The following MPP7 variants were observed in gnomAD, a reference collection of about 807,000 sequenced individuals.
MPP7 encodes MAGUK p55 subfamily member 7.
MPP7 carries 60 observed loss-of-function variants against 76.5 expected under a neutral mutation model. The observed-to-expected ratio is 0.78, with a 90% CI of 0.64 to 0.97. The LOEUF (loss-of-function observed/expected upper bound fraction) is 0.97, where lower values mean the gene tolerates loss of function less well. MPP7 is among the 50% of genes least tolerant of loss of function. The pLI, the probability that MPP7 is intolerant of heterozygous loss-of-function variation, is 0.00. For synonymous variants in MPP7, 237 were observed against 244.5 expected (o/e 0.97, Z 0.29); for missense variants, 641 against 694.0 (o/e 0.92, Z 0.86).
Position 28,321,154 on chromosome 10 carries a change from T to C in MPP7, c.-132+8775A>G, listed in dbSNP as rs184122597. ...CAGAAAGAAAAGCTGACATCTCAAA[T>C]ATATATGTAGTTTCCTCTCCTGCAA... On this transcript the variant is annotated intron_variant, in intron 2 of 11. Transcript: ENST00000441595. Among the ~76,000 whole-genome samples the C allele has an allele frequency of 3.0e-3, 460 of 152,284 alleles. 5 individuals carry two copies. The highest frequency in any genetic ancestry group is 0.011 in the African/African-American group (449 of 41,564).
At chr10:28,260,797 T>C (rs11006964) in intron 1 of MPP7, among the ~76,000 whole-genome samples, 11,618 of 149,334 alleles carry the variant, frequency 0.078, 942 homozygotes, top group East Asian at 0.4. Flanking sequence ...AAAAAAAATT[T>C]TTTTTAAATA....
At chr10:28,054,927 C>A (rs867403877) in intron 16 of MPP7, among the ~76,000 whole-genome samples, 2 of 152,172 alleles carry the variant, frequency 1.3e-5, no homozygotes, top group Non-Finnish European at 2.9e-5. Flanking sequence ...TCCCCACCTG[C>A]CTCGGCCTCC....
intron 3 of MPP7, among the ~76,000 whole-genome samples, chr10:28,182,663 A>G (rs1271327012): frequency 6.6e-6 from 1 of 152,234 alleles, no homozygotes; most frequent in Non-Finnish European, 1.5e-5. Flanking sequence ...ATTCATCAAC[A>G]TGAGAATAGA....
intron 11 of MPP7, among the ~76,000 whole-genome samples, chr10:28,100,781 G>T (rs567642003): frequency 3.2e-4 from 49 of 152,050 alleles, no homozygotes; most frequent in Non-Finnish European, 5.6e-4. Flanking sequence ...GTTAATAAAA[G>T]ATATCAATTT....
chr10:28,263,446 C>T (rs962662269), intron 1 of MPP7, among the ~76,000 whole-genome samples: 2 of 152,150 alleles, frequency 1.3e-5, no homozygotes, highest in African/African-American at 4.8e-5. Flanking sequence ...AAAGTGTCCC[C>T]CGACCTTGAT....
chr10:28,089,830 T>G lies in MPP7; in HGVS notation c.964A>C (p.Lys322Gln). 6.8e-7 allele frequency: 1 copy of G among 1,475,906 alleles called. No individual in the cohort carries two copies. Among genetic ancestry groups the G allele is most frequent in the Non-Finnish European group, 9.4e-7 (1 of 1,068,612 alleles). 91.4% of individuals were successfully genotyped at this position (1,475,906 alleles called of 1,614,324 possible). Reference protein sequence around the residue: ...VSNRKSSGFRKSFRLSRKDKK... With the variant: ...VSNRKSSGFRQSFRLSRKDKK... ...TCTTTTCTACTAAGACGAAAACTTTTTCTAAAACCAGCTGCAAATATTAAA... is the reference window on the plus strand; with the variant it reads ...TCTTTTCTACTAAGACGAAAACTTTGTCTAAAACCAGCTGCAAATATTAAA... Residue 322 changes from lysine (K) to glutamine (Q), a missense_variant, in exon 12 of 17, where the codon AAA becomes CAA. By Grantham distance (53) the Lys-to-Gln change is moderately conservative. Coordinates refer to ENST00000683449, the MANE Select transcript of MPP7 (RefSeq NM_001318170.2).
intron 2 of MPP7, among the ~76,000 whole-genome samples, chr10:28,216,814 C>A (rs1336797602): frequency 6.6e-6 from 1 of 152,058 alleles, no homozygotes; most frequent in Non-Finnish European, 1.5e-5. Flanking sequence ...CAGCACAAAA[C>A]AGTTCATTAG....
intron 1 of MPP7, among the ~76,000 whole-genome samples, chr10:28,245,075 T>C (rs981545987): frequency 7.2e-5 from 11 of 152,194 alleles, no homozygotes; most frequent in Non-Finnish European, 2.9e-5. Flanking sequence ...ATTTATATTC[T>C]ACCACTTACT....
chr10:28,314,114 TA>T (rs1841306128), intron 2 of MPP7, among the ~76,000 whole-genome samples: 1 of 152,192 alleles, frequency 6.6e-6, no homozygotes, highest in African/African-American at 2.4e-5. Context: ...TCTTAGGTTC[TA>T]TCAATATTAT....
chr10:28,105,856 C>T (rs1029113179), intron 11 of MPP7, among the ~76,000 whole-genome samples: 1 of 152,146 alleles, frequency 6.6e-6, no homozygotes, highest in African/African-American at 2.4e-5. Flanking sequence ...CTATTTTGCA[C>T]AAACCTTTTG....
Position 28,309,373 on chromosome 10 carries a change from C to T in MPP7, c.-132+20556G>A, listed in dbSNP as rs913202303. ...AGGTTGCAGTGAGCCAAGATCCCACCACTCTACTCCAGCCTGGGCAACAGA... is the reference window on the plus strand; with the variant it reads ...AGGTTGCAGTGAGCCAAGATCCCACTACTCTACTCCAGCCTGGGCAACAGA... On this transcript the variant is annotated intron_variant, in intron 2 of 11. Coordinates refer to the MPP7 transcript ENST00000441595. 7.3e-5 allele frequency among the ~76,000 whole-genome samples: 11 copies of T among 150,642 alleles called. 1 individual carries two copies. The Middle Eastern group carries it at 0.01, about 140-fold the overall frequency.
upstream of MPP7, chr10:28,303,567 A>C (rs1400818829): frequency 6.6e-6 from 1 of 152,246 alleles, no homozygotes; most frequent in Non-Finnish European, 1.5e-5. Context: ...TGCACGAAAA[A>C]AGACATAAGG....
chr10:28,249,854 C>T (rs61845911), intron 1 of MPP7, among the ~76,000 whole-genome samples: 30,494 of 152,092 alleles, frequency 0.2, 3,554 homozygotes, highest in East Asian at 0.54. Context: ...TCTCTTCTCG[C>T]ATGGAGAAGT....
chr10:28,051,743 AAC>A lies in MPP7; in HGVS notation c.*2320_*2321del, dbSNP rs1383590090. ...TTCTAAGCATCAAGATGGCCATGTA[AAC>A]ACTGTTTTTAAGACCACGTCTACCG... On this transcript the variant is annotated 3_prime_UTR_variant, in exon 17 of 17. Coordinates refer to ENST00000683449, the MANE Select transcript of MPP7 (RefSeq NM_001318170.2). The A allele has an allele frequency of 6.6e-6, 1 of 151,992 alleles. No homozygotes were observed. The highest frequency in any genetic ancestry group is 6.6e-5 in the Admixed American group (1 of 15,248). 9.4% of individuals were successfully genotyped at this position (151,992 alleles called of 1,614,324 possible). A position where few individuals can be genotyped will look rare whatever the true frequency, so the allele number is the denominator to read the frequency against.
chr10:28,065,469 T>A (rs1329612286), intron 13 of MPP7, among the ~76,000 whole-genome samples: 1 of 152,126 alleles, frequency 6.6e-6, no homozygotes, highest in East Asian at 1.9e-4. Context: ...ATGAACTCAT[T>A]CACAACAAGG....
At chr10:28,224,234 A>C (rs1838614963) in intron 2 of MPP7, among the ~76,000 whole-genome samples, 1 of 152,092 alleles carries the variant, frequency 6.6e-6, no homozygotes, top group African/African-American at 2.4e-5. Context: ...GAGAAAATTC[A>C]ACTGTAAGCA....
At chr10:28,255,950 T>C (rs1256367247) in intron 1 of MPP7, among the ~76,000 whole-genome samples, 1 of 152,138 alleles carries the variant, frequency 6.6e-6, no homozygotes, top group Non-Finnish European at 1.5e-5. Context: ...ACTTCCTTTA[T>C]ACTTAGTGAA....
rs1264000247 is a variant in MPP7 at position 28,052,771 on chromosome 10, C to CA, written c.*1293dup. 1.3e-5 allele frequency: 2 copies of CA among 151,678 alleles called. No homozygotes were observed. Among genetic ancestry groups the CA allele is most frequent in the African/African-American group, 4.8e-5 (2 of 41,302 alleles). The allele number at this position is 151,678 out of a possible 1,614,324, so 9.4% of individuals were successfully genotyped here. The stretch of plus-strand genomic sequence containing the variant: ...CATTTAAACTCTCTTTACAAATCAA[C>CA]AAAAAAATAACATTTTTTTTTCCAC... On this transcript the variant is annotated 3_prime_UTR_variant, in exon 17 of 17. Coordinates refer to ENST00000683449, the MANE Select transcript of MPP7 (RefSeq NM_001318170.2).
intron 3 of MPP7, among the ~76,000 whole-genome samples, chr10:28,165,103 A>G (rs1264931119): frequency 1.3e-5 from 2 of 152,144 alleles, no homozygotes; most frequent in African/African-American, 2.4e-5. Context: ...CACCGTTCCC[A>G]GCTGCAGCAA....
Sources: allele counts gnomAD v4.1 joint callset (sites outside exome capture counted in the v4.1 genomes callset), GRCh38; gene constraint gnomAD v4.1.1; transcripts MANE v1.5; gene names NCBI Gene and HGNC (gene_info 2026-07-23, HGNC 2026-07-21).